The following ANKS1B variants were observed in gnomAD, a reference collection of about 807,000 sequenced individuals.
ANKS1B encodes the protein ankyrin repeat and sterile alpha motif domain containing 1B, also known as ankyrin repeat and sterile alpha motif domain-containing protein 1B.
A neutral mutation model predicts 148.3 loss-of-function variants in ANKS1B; 36 were observed. The ratio of observed to expected loss-of-function variants is 0.24; its 90% CI spans 0.19 to 0.32. ANKS1B has a LOEUF of 0.32. ANKS1B is among the 10% of genes least tolerant of loss of function. The pLI is 1.00. For missense variants in ANKS1B, 1,157 were observed against 1,542.6 expected, an observed-to-expected ratio of 0.75 and a Z score of 4.19; for synonymous variants, 542 against 560.8, an observed-to-expected ratio of 0.97 and a Z score of 0.47.
intron 12 of ANKS1B, among the ~76,000 whole-genome samples, chr12:99,289,527 G>T (rs1181826867): frequency 6.6e-6 from 1 of 151,926 alleles, no homozygotes; most frequent in African/African-American, 2.4e-5. Context: ...GGTCACAAAA[G>T]AAGTCTTAAA....
chr12:99,030,146 C>T (rs187569466), intron 17 of ANKS1B, among the ~76,000 whole-genome samples: 2 of 152,318 alleles, frequency 1.3e-5, no homozygotes, highest in East Asian at 3.9e-4. Context: ...GGCAGTCTGC[C>T]TGGGCACACG....
At chr12:99,731,268 G>A (rs933630597) in intron 8 of ANKS1B, among the ~76,000 whole-genome samples, 6 of 152,088 alleles carry the variant, frequency 3.9e-5, no homozygotes, top group African/African-American at 1.2e-4. Context: ...AGAAGCGCAC[G>A]CCACCACACC....
intron 9 of ANKS1B, among the ~76,000 whole-genome samples, chr12:99,507,796 C>A (rs756908966): frequency 6.6e-6 from 1 of 151,646 alleles, no homozygotes; most frequent in Non-Finnish European, 1.5e-5. Context: ...GACAAGTGAC[C>A]GTCAAAAGAG....
At chr12:98,831,612 T>A (rs2099316388) in intron 18 of ANKS1B, 1 of 156,874 alleles carries the variant, frequency 6.4e-6, no homozygotes, top group Non-Finnish European at 1.4e-5. Flanking sequence ...GAAAAACAAA[T>A]CTTGTTGTTT....
chr12:99,468,099 C>A (rs1423055175), intron 10 of ANKS1B, among the ~76,000 whole-genome samples: 2 of 152,044 alleles, frequency 1.3e-5, no homozygotes, highest in Non-Finnish European at 2.9e-5. Flanking sequence ...AGATATAGAT[C>A]AATGGAACAG....
intron 9 of ANKS1B, among the ~76,000 whole-genome samples, chr12:99,551,529 AGAGGGGAGGGGAGGGGAGGG>A (rs58248975): frequency 5.4e-4 from 36 of 66,386 alleles, no homozygotes; most frequent in Middle Eastern, 7.9e-3. Context: ...AAAGGAGAGG[AGAGGGGAGGGGAGGGGAGGG>A]GAGGGGAGGG....
chr12:99,336,461 T>G (rs1451257641), intron 12 of ANKS1B, among the ~76,000 whole-genome samples: 1 of 152,058 alleles, frequency 6.6e-6, no homozygotes, highest in Non-Finnish European at 1.5e-5. Context: ...TGTCCTGGAG[T>G]GTTTTTTCAA....
At position 99,369,791 on chromosome 12, in the gene ANKS1B, T is replaced by TAGATAGATAGATAGACGGAC. The variant is rs879173702; in HGVS notation, c.1756+29839_1756+29840insGTCCGTCTATCTATCTATCT. ...ATAGATAGATAGATAGATAGATAGA[T>TAGATAGATAGATAGACGGAC]GGACGGACGGACAGACGGACGGACG... On this transcript the variant is annotated intron_variant, in intron 12 of 26. Coordinates refer to ENST00000683438, the MANE Select transcript of ANKS1B (RefSeq NM_001352186.2). Among the ~76,000 whole-genome samples, 987 of 148,886 alleles carry TAGATAGATAGATAGACGGAC rather than the reference T, an allele frequency of 6.6e-3. 12 individuals are homozygous for TAGATAGATAGATAGACGGAC. The highest frequency in any genetic ancestry group is 9.5e-3 in the African/African-American group (383 of 40,170).
chr12:99,457,390 A>T (rs947851266), intron 10 of ANKS1B, among the ~76,000 whole-genome samples: 1 of 152,122 alleles, frequency 6.6e-6, no homozygotes, highest in Admixed American at 6.5e-5. Flanking sequence ...TATTCAGGCA[A>T]CAAATAGCAT....
At chr12:99,637,110 A>G (rs532317052) in intron 9 of ANKS1B, among the ~76,000 whole-genome samples, 47 of 152,144 alleles carry the variant, frequency 3.1e-4, no homozygotes, top group Non-Finnish European at 5.7e-4. Context: ...GTTCAAGATC[A>G]GCCTGACCAA....
At chr12:98,758,911 G>T (rs1435307686) in intron 25 of ANKS1B, among the ~76,000 whole-genome samples, 2 of 150,706 alleles carry the variant, frequency 1.3e-5, no homozygotes, top group Admixed American at 1.3e-4. Flanking sequence ...CTCCTGAGTG[G>T]CTGGGATTAT....
At position 99,342,144 on chromosome 12, in the gene ANKS1B, T is replaced by TA. The variant is rs1349290110; in HGVS notation, c.1756+57486dup. 3.9e-5 allele frequency among the ~76,000 whole-genome samples: 6 copies of TA among 152,108 alleles called. No homozygotes were observed. In the East Asian group the frequency reaches 1.2e-3, roughly 29 times the overall value. On this transcript the variant is annotated intron_variant, in intron 12 of 26. Coordinates refer to ENST00000683438, the MANE Select transcript of ANKS1B (RefSeq NM_001352186.2). ...TATCATGGAGGTCAGCATTTAGTGT[T>TA]AGAGTTATCAGGTGAAAAAGTATGC...
At chr12:98,818,389 C>G (rs2099159123) in intron 19 of ANKS1B, among the ~76,000 whole-genome samples, 1 of 152,058 alleles carries the variant, frequency 6.6e-6, no homozygotes, top group Non-Finnish European at 1.5e-5. Context: ...CCCTAAATGG[C>G]ATTACACAAT....
At chr12:98,746,620 G>C (rs1175423855) in intron 26 of ANKS1B, among the ~76,000 whole-genome samples, 1 of 152,076 alleles carries the variant, frequency 6.6e-6, no homozygotes, top group Non-Finnish European at 1.5e-5. Flanking sequence ...CCACTGCCAC[G>C]TATGCTCATG....
chr12:99,632,842 G>A (rs1434414063), intron 9 of ANKS1B, among the ~76,000 whole-genome samples: 6 of 142,710 alleles, frequency 4.2e-5, no homozygotes, highest in Non-Finnish European at 9.1e-5. Flanking sequence ...CATGTGCCAT[G>A]TTGGTGTCCT....
At chr12:99,886,490 C>T (rs1364839427) in intron 1 of ANKS1B, among the ~76,000 whole-genome samples, 1 of 152,030 alleles carries the variant, frequency 6.6e-6, no homozygotes, top group East Asian at 1.9e-4. Context: ...TATGTATAGA[C>T]ACATGTATCT....
intron 14 of ANKS1B, among the ~76,000 whole-genome samples, chr12:99,243,343 G>C (rs1233782223): frequency 2.0e-5 from 3 of 152,190 alleles, no homozygotes; most frequent in African/African-American, 7.2e-5. Context: ...TCTCAAGCCA[G>C]TTAGAATGGC....
intron 1 of ANKS1B, among the ~76,000 whole-genome samples, chr12:99,870,027 T>C (rs2091297002): frequency 6.6e-6 from 1 of 152,172 alleles, no homozygotes; most frequent in South Asian, 2.1e-4. Flanking sequence ...AGAATTAGGG[T>C]ACAACTGATC....
chr12:99,554,474 A>C (rs1319856217), intron 9 of ANKS1B, among the ~76,000 whole-genome samples: 1 of 152,188 alleles, frequency 6.6e-6, no homozygotes, highest in Non-Finnish European at 1.5e-5. Context: ...AAGGAGAGTC[A>C]TTAGCTAAAT....
Sources: allele counts gnomAD v4.1 joint callset (sites outside exome capture counted in the v4.1 genomes callset), GRCh38; gene constraint gnomAD v4.1.1; transcripts MANE v1.5; gene names NCBI Gene and HGNC (gene_info 2026-07-23, HGNC 2026-07-21).